FBXL17: variants seen among roughly 807,000 people sequenced by gnomAD.
The protein encoded by FBXL17 is F-box/LRR-repeat protein 17.
A neutral mutation model predicts 66.2 loss-of-function variants in FBXL17; 22 were observed. The ratio of observed to expected loss-of-function variants is 0.33; its 90% CI spans 0.24 to 0.47. The LOEUF (loss-of-function observed/expected upper bound fraction) is 0.47. FBXL17 is among the 20% of genes least tolerant of loss of function. FBXL17 has a pLI of 1.00. For synonymous variants in FBXL17, 474 were observed against 400.5 expected (o/e 1.18, Z -2.19); for missense variants, 878 against 948.2 (o/e 0.93, Z 0.97).
Position 107,923,169 on chromosome 5 carries a change from A to T in FBXL17, c.1823-41990T>A, listed in dbSNP as rs1431117995. 3.3e-5 allele frequency among the ~76,000 whole-genome samples: 5 copies of T among 152,184 alleles called. No individual in the cohort carries two copies. In the East Asian group the frequency reaches 7.7e-4, roughly 23 times the overall value. ...AGGAGAAGGAAAAAACAAGGCAGGA[A>T]TTGAAATATTGAAATAGTACTGGGC... On this transcript the variant is annotated intron_variant, in intron 7 of 8. Transcript: ENST00000542267.
intron 6 of FBXL17, among the ~76,000 whole-genome samples, chr5:108,065,902 T>A (rs286753): frequency 0.25 from 37,383 of 151,812 alleles, 4,886 homozygotes; most frequent in South Asian, 0.47. Context: ...CAACAGAGTC[T>A]CACATAGGAA....
In FBXL17 at chr5:108,151,828, TAATG is replaced by T. The variant is rs140102976; in HGVS notation, c.1745+34285_1745+34288del. Among the ~76,000 whole-genome samples the T allele has an allele frequency of 2.2e-3, 336 of 152,324 alleles. 1 individual carries two copies. Among genetic ancestry groups the T allele is most frequent in the Non-Finnish European group, 3.7e-3 (249 of 68,026 alleles). ...GATCGACACGCATTAATGGTTCTAA[TAATG>T]AACACAATATGCTCCAATGACATTC... On this transcript the variant is annotated intron_variant, in intron 6 of 8. Coordinates refer to ENST00000542267, the MANE Select transcript of FBXL17 (RefSeq NM_001163315.3).
At chr5:107,920,536 G>A (rs1036211) in intron 7 of FBXL17, among the ~76,000 whole-genome samples, 37,597 of 152,084 alleles carry the variant, frequency 0.25, 5,744 homozygotes, top group Admixed American at 0.42. Flanking sequence ...TGAATTATCA[G>A]AAGGGATTGC....
intron 4 of FBXL17, among the ~76,000 whole-genome samples, chr5:108,232,569 G>A (rs961854252): frequency 2.6e-5 from 4 of 151,428 alleles, no homozygotes; most frequent in African/African-American, 9.7e-5. Context: ...AGCGGCCAGT[G>A]AATATAAAGC....
chr5:108,088,586 A>G (rs1749060885), intron 6 of FBXL17, among the ~76,000 whole-genome samples: 1 of 151,896 alleles, frequency 6.6e-6, no homozygotes, highest in Non-Finnish European at 1.5e-5. Context: ...CTGTAGTCTC[A>G]GCTACTCAGG....
At chr5:107,866,381 G>T (rs1376272607) in intron 8 of FBXL17, among the ~76,000 whole-genome samples, 1 of 152,130 alleles carries the variant, frequency 6.6e-6, no homozygotes, top group Non-Finnish European at 1.5e-5. Flanking sequence ...TCTTTTTAAG[G>T]TGGTAGCAAT....
At chr5:108,211,536 C>T (rs548824304) in intron 5 of FBXL17, among the ~76,000 whole-genome samples, 2 of 152,166 alleles carry the variant, frequency 1.3e-5, no homozygotes, top group Non-Finnish European at 2.9e-5. Flanking sequence ...GACAAAATCT[C>T]TCAGCATTTG....
At chr5:107,976,645 A>C (rs562121212) in intron 7 of FBXL17, among the ~76,000 whole-genome samples, 4 of 152,318 alleles carry the variant, frequency 2.6e-5, no homozygotes, top group African/African-American at 9.6e-5. Flanking sequence ...ACCATGTGAG[A>C]TATGAGTAGA....
intron 6 of FBXL17, among the ~76,000 whole-genome samples, chr5:108,040,003 A>G (rs1343369297): frequency 6.6e-6 from 1 of 152,312 alleles, no homozygotes; most frequent in South Asian, 2.1e-4. Flanking sequence ...AACAAAATAG[A>G]AAAGTTTATA....
chr5:108,007,767 G>A (rs958602778), intron 7 of FBXL17, among the ~76,000 whole-genome samples: 2 of 152,096 alleles, frequency 1.3e-5, no homozygotes, highest in South Asian at 4.1e-4. Flanking sequence ...CGAAGATGAA[G>A]CATGAACTTC....
chr5:108,262,412 T>A (rs1389001029), intron 4 of FBXL17, among the ~76,000 whole-genome samples: 1 of 151,960 alleles, frequency 6.6e-6, no homozygotes, highest in Non-Finnish European at 1.5e-5. Context: ...TGGAAGAAAG[T>A]CCCAGAAAAT....
intron 6 of FBXL17, among the ~76,000 whole-genome samples, chr5:108,068,474 G>A (rs1440889211): frequency 1.4e-5 from 2 of 148,100 alleles, no homozygotes; most frequent in Admixed American, 1.3e-4. Context: ...GGGGGCGGGG[G>A]GAATGGAGTC....
chr5:108,288,259 T>C (rs1418986611), intron 4 of FBXL17, among the ~76,000 whole-genome samples: 1 of 148,928 alleles, frequency 6.7e-6, no homozygotes, highest in Non-Finnish European at 1.5e-5. Context: ...ACCCCGAGCC[T>C]AAAATAAAAG....
intron 6 of FBXL17, among the ~76,000 whole-genome samples, chr5:108,175,347 G>A (rs1001751421): frequency 1.3e-5 from 2 of 152,160 alleles, no homozygotes; most frequent in African/African-American, 4.8e-5. Context: ...GCCACCAGCA[G>A]AGCCATGCGC....
At chr5:107,978,706 C>G (rs1207247047) in intron 7 of FBXL17, among the ~76,000 whole-genome samples, 1 of 152,170 alleles carries the variant, frequency 6.6e-6, no homozygotes, top group East Asian at 1.9e-4. Flanking sequence ...TTCCCCATTC[C>G]CTACCCCACT....
chr5:108,222,090 T>C (rs1012661341), intron 5 of FBXL17, among the ~76,000 whole-genome samples: 1 of 152,316 alleles, frequency 6.6e-6, no homozygotes, highest in East Asian at 1.9e-4. Context: ...AGAAGAACCA[T>C]TTCAGCAAAT....
At chr5:108,115,552 C>A (rs1293392516) in intron 6 of FBXL17, among the ~76,000 whole-genome samples, 2 of 150,696 alleles carry the variant, frequency 1.3e-5, no homozygotes, top group Non-Finnish European at 2.9e-5. Context: ...TAGAAGTGGT[C>A]GTCAACACTC....
At position 108,292,219 on chromosome 5, in the gene FBXL17, T is replaced by G. The variant is rs558524341; in HGVS notation, c.1506+56180A>C. ...TCACCGCAAGCTCCACCTCCCAGGT[T>G]CAATCAATTCTCCTGCCTCAGCCTC... On this transcript the variant is annotated intron_variant, in intron 4 of 8. Transcript: ENST00000542267. 8.5e-5 allele frequency among the ~76,000 whole-genome samples: 13 copies of G among 152,064 alleles called. No individual in the cohort carries two copies. The South Asian group carries it at 2.7e-3, about 32-fold the overall frequency.
intron 4 of FBXL17, among the ~76,000 whole-genome samples, chr5:108,261,285 A>G (rs1756810581): frequency 6.6e-6 from 1 of 152,028 alleles, no homozygotes; most frequent in Non-Finnish European, 1.5e-5. Context: ...ACAGACCAAA[A>G]AAAGCTTGAA....
Sources: allele counts gnomAD v4.1 joint callset (sites outside exome capture counted in the v4.1 genomes callset), GRCh38; gene constraint gnomAD v4.1.1; transcripts MANE v1.5; gene names NCBI Gene and HGNC (gene_info 2026-07-23, HGNC 2026-07-21).